SGCD: variants seen among roughly 807,000 people sequenced by gnomAD.
The protein encoded by SGCD is delta-sarcoglycan.
In SGCD, 18 loss-of-function variants were observed where a neutral mutation model predicts 36.6. The ratio of observed to expected loss-of-function variants is 0.49; its 90% CI spans 0.34 to 0.73. The LOEUF is 0.73. Among genes scored for constraint, SGCD ranks in the 30% least tolerant of loss-of-function variants. The probability of loss-of-function intolerance (pLI) is 0.01; values close to 1 mark genes in which losing one functional copy is unlikely to be tolerated. For missense variants in SGCD, 387 were observed against 346.7 expected (o/e 1.12, Z -0.92); for synonymous variants, 133 against 130.6 (o/e 1.02, Z -0.12).
At position 155,916,372 on chromosome 5, in the gene SGCD, T is replaced by C. The variant is rs970036515; in HGVS notation, c.-282+45948T>C. Among the ~76,000 whole-genome samples the C allele has an allele frequency of 3.3e-5, 5 of 152,308 alleles. No homozygotes were observed. The East Asian group carries it at 9.7e-4, about 29-fold the overall frequency. On this transcript the variant is annotated intron_variant, in intron 1 of 9. Transcript: ENST00000517913. ...GATACATTTAGGGTTTCTTTGAAAG[T>C]TCTTTAAAAATAATGAACTATTATT...
At chr5:156,545,526 C>A (rs1758536501) in intron 4 of SGCD, among the ~76,000 whole-genome samples, 1 of 152,116 alleles carries the variant, frequency 6.6e-6, no homozygotes, top group Non-Finnish European at 1.5e-5. Context: ...TGAAACTTTT[C>A]TACCTCAGAC....
intron 4 of SGCD, among the ~76,000 whole-genome samples, chr5:156,534,384 C>G (rs1758010273): frequency 6.6e-6 from 1 of 152,186 alleles, no homozygotes; most frequent in Non-Finnish European, 1.5e-5. Flanking sequence ...CAGCCTTTCT[C>G]CCTTCCAAAT....
intron 1 of SGCD, among the ~76,000 whole-genome samples, chr5:156,101,933 TGTGTGTGTGA>T (rs1380348784): frequency 1.2e-4 from 18 of 150,258 alleles, no homozygotes; most frequent in African/African-American, 4.4e-4. Flanking sequence ...TGTGTGTGTG[TGTGTGTGTGA>T]GAGAGAGAGA....
chr5:156,489,410 A>G (rs1755841846), intron 3 of SGCD, among the ~76,000 whole-genome samples: 1 of 152,108 alleles, frequency 6.6e-6, no homozygotes, highest in South Asian at 2.1e-4. Flanking sequence ...TCATTCAACA[A>G]CTGGGTAATG....
At chr5:155,834,302 A>C in the SGCD span, among the ~76,000 whole-genome samples, 1 of 152,224 alleles carries the variant, frequency 6.6e-6, no homozygotes, top group African/African-American at 2.4e-5. Flanking sequence ...ATTTGAAATG[A>C]GTATTTCTGA....
At chr5:155,885,790 A>G (rs1016235195) in intron 1 of SGCD, among the ~76,000 whole-genome samples, 1 of 152,170 alleles carries the variant, frequency 6.6e-6, no homozygotes, top group Non-Finnish European at 1.5e-5. Flanking sequence ...TCTTCAAACC[A>G]TGTATTCCAA....
chr5:155,914,015 G>A (rs1756687212), intron 1 of SGCD, among the ~76,000 whole-genome samples: 1 of 152,168 alleles, frequency 6.6e-6, no homozygotes, highest in South Asian at 2.1e-4. Context: ...TAGAATGTTG[G>A]CCTTTTGGGA....
chr5:156,524,287 T>TTATATATATATATATATA (rs5872468), intron 4 of SGCD, among the ~76,000 whole-genome samples: 2 of 130,176 alleles, frequency 1.5e-5, no homozygotes, highest in African/African-American at 5.7e-5. Context: ...ATATATATAG[T>TTATATATATATATATATA]TATATATATA....
intron 1 of SGCD, among the ~76,000 whole-genome samples, chr5:156,007,409 A>G (rs1382165511): frequency 2.0e-5 from 3 of 152,250 alleles, no homozygotes; most frequent in Non-Finnish European, 2.9e-5. Context: ...AAAACATTTC[A>G]TCTTTCTAGT....
At chr5:156,102,463 C>T (rs1277019181) in intron 1 of SGCD, among the ~76,000 whole-genome samples, 1 of 152,108 alleles carries the variant, frequency 6.6e-6, no homozygotes, top group Non-Finnish European at 1.5e-5. Flanking sequence ...AAAAATCTTT[C>T]ATCATTTTTT....
At chr5:155,792,385 C>A in the SGCD span, among the ~76,000 whole-genome samples, 2 of 116,370 alleles carry the variant, frequency 1.7e-5, no homozygotes, top group South Asian at 2.6e-4. Flanking sequence ...AAAACAAAAC[C>A]AAAAATTGAC....
rs929637392 is a variant in SGCD, at chr5:156,762,762, C to G, written c.*3372C>G. The G allele has an allele frequency of 1.3e-5, 2 of 152,538 alleles. No individual in the cohort carries two copies. The highest frequency in any genetic ancestry group is 4.8e-5 in the African/African-American group (2 of 41,460). The allele number at this position is 152,538 out of a possible 1,614,324, so 9.4% of individuals were successfully genotyped here. On this transcript the variant is annotated 3_prime_UTR_variant, in exon 9 of 9. Coordinates refer to ENST00000337851, the MANE Select transcript of SGCD (RefSeq NM_000337.6). ...GTTGTGTCAGAGACTATGTATCCCACAAAGCATAGATTACTTACTATTTAG... is the reference window on the plus strand; with the variant it reads ...GTTGTGTCAGAGACTATGTATCCCAGAAAGCATAGATTACTTACTATTTAG...
intron 1 of SGCD, among the ~76,000 whole-genome samples, chr5:156,057,066 G>A (rs13354715): frequency 0.02 from 2,947 of 146,478 alleles, 258 homozygotes; most frequent in African/African-American, 0.068. Flanking sequence ...CAGCTTGGAT[G>A]TTCAGTAATA....
At chr5:156,571,181 G>C (rs1759705485) in intron 4 of SGCD, among the ~76,000 whole-genome samples, 1 of 152,174 alleles carries the variant, frequency 6.6e-6, no homozygotes, top group Admixed American at 6.5e-5. Flanking sequence ...GAGTAGCTGG[G>C]ATTACAGGTG....
chr5:156,520,063 A>G (rs558371338), intron 4 of SGCD, among the ~76,000 whole-genome samples: 55 of 152,316 alleles, frequency 3.6e-4, no homozygotes, highest in Non-Finnish European at 6.6e-4. Context: ...ATAGGAAGAG[A>G]GGAAGTCAAA....
the SGCD span, among the ~76,000 whole-genome samples, chr5:155,742,962 C>A: frequency 1.3e-5 from 2 of 152,160 alleles, no homozygotes; most frequent in Non-Finnish European, 2.9e-5. Flanking sequence ...TACAGATGAG[C>A]AGCCAGATGT....
intron 7 of SGCD, chr5:156,738,493 T>C (rs1229787021): frequency 2.0e-5 from 3 of 152,228 alleles, no homozygotes; most frequent in African/African-American, 7.2e-5. Context: ...GTTGACAAAT[T>C]CTACAGAGAA....
chr5:155,753,478 T>A, the SGCD span, among the ~76,000 whole-genome samples: 3 of 152,336 alleles, frequency 2.0e-5, no homozygotes, highest in East Asian at 5.8e-4. Context: ...GATCGGACAA[T>A]GTGCTATTTC....
the SGCD span, among the ~76,000 whole-genome samples, chr5:155,831,919 T>C: frequency 1.3e-5 from 2 of 152,166 alleles, no homozygotes; most frequent in African/African-American, 2.4e-5. Context: ...AGTCTTGTGG[T>C]ATTTACCAAA....
Sources: allele counts gnomAD v4.1 joint callset (sites outside exome capture counted in the v4.1 genomes callset), GRCh38; gene constraint gnomAD v4.1.1; transcripts MANE v1.5; gene names NCBI Gene and HGNC (gene_info 2026-07-23, HGNC 2026-07-21).